The following NCS1 variants were observed in gnomAD, a reference collection of about 807,000 sequenced individuals.
NCS1 encodes frequenin homolog.
Under a neutral mutation model 28.4 loss-of-function variants are expected in NCS1, and 6 were observed. The ratio of observed to expected loss-of-function variants is 0.21; its 90% CI spans 0.12 to 0.42. NCS1 has a LOEUF of 0.42. NCS1 is among the 10% of genes least tolerant of loss of function. The pLI, the probability that NCS1 is intolerant of heterozygous loss-of-function variation, is 1.00. For missense variants in NCS1, 131 were observed against 241.4 expected (o/e 0.54, Z 3.03); for synonymous variants, 86 against 99.3 (o/e 0.87, Z 0.79).
chr9:130,189,879 A>AAAATAT (rs1554906056), intron 1 of NCS1, among the ~76,000 whole-genome samples: 3 of 37,750 alleles, frequency 7.9e-5, no homozygotes, highest in African/African-American at 3.5e-4. Flanking sequence ...AAAAAAAAAA[A>AAAATAT]ATATATATAT....
intron 2 of NCS1, among the ~76,000 whole-genome samples, chr9:130,207,573 A>G (rs1833044442): frequency 6.6e-6 from 1 of 152,248 alleles, no homozygotes; most frequent in Non-Finnish European, 1.5e-5. Context: ...TTGTGCTGAC[A>G]TATAGCAGCT....
chr9:130,185,866 C>G (rs547719469), intron 1 of NCS1, among the ~76,000 whole-genome samples: 2 of 152,254 alleles, frequency 1.3e-5, no homozygotes, highest in African/African-American at 2.4e-5. Flanking sequence ...TCAGGCTTTC[C>G]GTGATGAGGC....
chr9:130,214,957 G>A (rs1444557852), intron 2 of NCS1, among the ~76,000 whole-genome samples: 3 of 152,228 alleles, frequency 2.0e-5, no homozygotes, highest in Non-Finnish European at 4.4e-5. Flanking sequence ...TCACTGTGCT[G>A]GCGCTGTGCA....
At chr9:130,214,073 C>T (rs1833149892) in intron 2 of NCS1, among the ~76,000 whole-genome samples, 1 of 152,252 alleles carries the variant, frequency 6.6e-6, no homozygotes, top group African/African-American at 2.4e-5. Flanking sequence ...GACCATGTTA[C>T]ATGCCAGGCC....
In NCS1 at chr9:130,175,586, G is replaced by A. The variant is rs550048395; in HGVS notation, c.64+2859G>A. Among the ~76,000 whole-genome samples the A allele has an allele frequency of 2.3e-3, 350 of 152,268 alleles. 1 individual carries two copies. Among genetic ancestry groups the A allele is most frequent in the Admixed American group, 3.8e-3 (58 of 15,300 alleles). ...CCCACCTCATGCATAGCTGGCCACA[G>A]TGCCAAGGGGGCCTAGAGGGGAGCC... On this transcript the variant is annotated intron_variant, in intron 1 of 7. Transcript: ENST00000372398. The surrounding 1 kb of genome is among the most constrained non-coding windows in gnomAD (Gnocchi z 4.9).
chr9:130,198,194 G>T (rs536933495), intron 1 of NCS1, among the ~76,000 whole-genome samples: 1 of 152,170 alleles, frequency 6.6e-6, no homozygotes, highest in East Asian at 1.9e-4. Context: ...CTTTCCAATG[G>T]GGGGAGCCCT....
At chr9:130,222,456 T>A (rs1554910697) in intron 4 of NCS1, among the ~76,000 whole-genome samples, 194 bp from the exon 5 acceptor site, 2 of 151,804 alleles carry the variant, frequency 1.3e-5, no homozygotes, top group African/African-American at 2.4e-5. Flanking sequence ...CCCAGCCTTA[T>A]TTTTTTTAAC....
At chr9:130,228,691 G>A (rs1248975650) in intron 7 of NCS1, among the ~76,000 whole-genome samples, 5 of 149,002 alleles carry the variant, frequency 3.4e-5, no homozygotes, top group South Asian at 2.1e-4. Flanking sequence ...TTTTGAGACA[G>A]GGTCTCACTC....
intron 1 of NCS1, among the ~76,000 whole-genome samples, chr9:130,173,208 G>C (rs1043666931): frequency 6.6e-6 from 1 of 151,854 alleles, no homozygotes; most frequent in Non-Finnish European, 1.5e-5. Context: ...GTGGGGGGGG[G>C]GGTGGCGAGA....
intron 1 of NCS1, among the ~76,000 whole-genome samples, chr9:130,176,138 T>TTTTCTTTCTTTC (rs71387327): frequency 0.061 from 6,213 of 101,942 alleles, 405 homozygotes; most frequent in South Asian, 0.091. Flanking sequence ...TATTTGTTCA[T>TTTTCTTTCTTTC]TTTCTTTCTT....
chr9:130,189,879 A>AAAAATATATATATAT (rs1554906056), intron 1 of NCS1, among the ~76,000 whole-genome samples: 2 of 37,748 alleles, frequency 5.3e-5, no homozygotes, highest in African/African-American at 2.3e-4. Context: ...AAAAAAAAAA[A>AAAAATATATATATAT]ATATATATAT....
chr9:130,173,623 G>T (rs969557976), intron 1 of NCS1, among the ~76,000 whole-genome samples: 3 of 152,174 alleles, frequency 2.0e-5, no homozygotes, highest in Admixed American at 2.0e-4. Flanking sequence ...TCAGCATCGG[G>T]GTCTGGAAGG....
intron 3 of NCS1, 101 bp downstream of exon 3, chr9:130,218,071 A>T (rs1386519281): frequency 1.7e-5 from 25 of 1,459,508 alleles, no homozygotes; most frequent in Non-Finnish European, 2.4e-5. Flanking sequence ...TCCCTTCTAG[A>T]GAAGGAACAC....
At chr9:130,201,914 C>A (rs1460655679) in intron 2 of NCS1, among the ~76,000 whole-genome samples, 1 of 152,208 alleles carries the variant, frequency 6.6e-6, no homozygotes, top group African/African-American at 2.4e-5. Flanking sequence ...ACCCATGTGG[C>A]TCTGCTTCCT....
chr9:130,191,847 A>G lies in NCS1; in HGVS notation c.65-9111A>G, dbSNP rs1268744573. On this transcript the variant is annotated intron_variant, in intron 1 of 7. Coordinates refer to ENST00000372398, the MANE Select transcript of NCS1 (RefSeq NM_014286.4). The surrounding 1 kb of genome is among the most constrained non-coding windows in gnomAD (Gnocchi z 6.4). The stretch of plus-strand genomic sequence containing the variant: ...TTTCCTGCCAGCCGCTGTGTGCCCC[A>G]GCCCAGTGCTGGACCAGTCCTGGCT... 1.3e-5 allele frequency among the ~76,000 whole-genome samples: 2 copies of G among 152,204 alleles called. No homozygotes were observed. The highest frequency in any genetic ancestry group is 4.8e-5 in the African/African-American group (2 of 41,454).
chr9:130,178,712 C>T (rs1052315168), intron 1 of NCS1, among the ~76,000 whole-genome samples: 5 of 151,576 alleles, frequency 3.3e-5, no homozygotes, highest in African/African-American at 9.7e-5. Context: ...AATGGACTGG[C>T]GGGGAAGAGG....
chr9:130,183,799 CT>C (rs1832703450), intron 1 of NCS1, among the ~76,000 whole-genome samples: 1 of 143,106 alleles, frequency 7.0e-6, no homozygotes, highest in African/African-American at 2.6e-5. Flanking sequence ...CCCTTCCCTC[CT>C]TCTTTTCTTT....
chr9:130,185,574 G>T (rs936405167), intron 1 of NCS1, among the ~76,000 whole-genome samples: 5 of 152,190 alleles, frequency 3.3e-5, no homozygotes, highest in South Asian at 2.1e-4. Context: ...GGTCCAAGCC[G>T]CCAGCCAGCC....
intron 1 of NCS1, among the ~76,000 whole-genome samples, chr9:130,187,265 G>C (rs868957899): frequency 1.3e-5 from 2 of 152,288 alleles, no homozygotes; most frequent in Middle Eastern, 3.4e-3. Context: ...TGATGTGTCC[G>C]AGTCTGTGCC....
Sources: allele counts gnomAD v4.1 joint callset (sites outside exome capture counted in the v4.1 genomes callset), GRCh38; gene constraint gnomAD v4.1.1; non-coding constraint Gnocchi (gnomAD v3.1); transcripts MANE v1.5; gene names NCBI Gene and HGNC (gene_info 2026-07-23, HGNC 2026-07-21).